Variants in CYP4F12 observed in about 807,000 individuals in gnomAD.
CYP4F12 encodes cytochrome P450 4F12.
In CYP4F12, 60 loss-of-function variants were observed where a neutral mutation model predicts 56.5. The observed-to-expected ratio is 1.06, with a 90% CI of 0.86 to 1.32. CYP4F12 has a LOEUF of 1.32. Among genes scored for constraint, CYP4F12 ranks in the 40% most tolerant of loss-of-function variants. The pLI, the probability that CYP4F12 is intolerant of heterozygous loss-of-function variation, is 0.00. For missense variants in CYP4F12, 711 were observed against 683.5 expected, an observed-to-expected ratio of 1.04 and a Z score of -0.45; for synonymous variants, 263 against 264.9, an observed-to-expected ratio of 0.99 and a Z score of 0.07.
chr19:15,673,207 T>C, intron 1 of CYP4F12, 72 bp downstream of exon 1: 2 of 506,312 alleles, frequency 4.0e-6, no homozygotes, highest in Admixed American at 2.3e-5. Flanking sequence ...AAGGCTGGGG[T>C]GGCTCCAAGA....
chr19:15,681,873 A>C (rs150675492), intron 5 of CYP4F12: 2 of 153,576 alleles, frequency 1.3e-5, no homozygotes, highest in Non-Finnish European at 2.9e-5. Flanking sequence ...CATATGCCTG[A>C]GAAAATGTCA....
At chr19:15,690,184 G>C (rs1473263270) in intron 9 of CYP4F12, among the ~76,000 whole-genome samples, 3 of 151,976 alleles carry the variant, frequency 2.0e-5, no homozygotes, top group African/African-American at 7.3e-5. Context: ...TATGAGTTTT[G>C]GAAAATTAGT....
At chr19:15,687,429 A>G in intron 9 of CYP4F12, among the ~76,000 whole-genome samples, 1 of 152,208 alleles carries the variant, frequency 6.6e-6, no homozygotes, top group South Asian at 2.1e-4. Context: ...TATAAAATAG[A>G]CACAGTACTT....
intron 9 of CYP4F12, among the ~76,000 whole-genome samples, chr19:15,685,650 G>A (rs372654945): frequency 6.6e-5 from 10 of 152,300 alleles, no homozygotes; most frequent in African/African-American, 2.4e-4. Context: ...GCAGGGGAAA[G>A]TTTTCAGACT....
chr19:15,694,734 A>G (rs1303536506), intron 9 of CYP4F12, among the ~76,000 whole-genome samples: 6 of 152,024 alleles, frequency 3.9e-5, no homozygotes, highest in Non-Finnish European at 5.9e-5. Flanking sequence ...TTATGCAGCC[A>G]AAAAACACAT....
chr19:15,682,660 T>A, intron 6 of CYP4F12, 150 bp downstream of exon 6: 1 of 1,235,912 alleles, frequency 8.1e-7, no homozygotes, highest in Non-Finnish European at 1.1e-6. Context: ...GAGAAAGTGC[T>A]GTCTTTCCAG....
rs150074697 is a variant in CYP4F12 at position 15,694,344 on chromosome 19, T to C, written c.1116-1592T>C. On this transcript the variant is annotated intron_variant, in intron 9 of 12. Coordinates refer to ENST00000550308, the MANE Select transcript of CYP4F12 (RefSeq NM_023944.4). ...GAGCATGGAATGTTCTTCCCTTTCT[T>C]TGCACCCTCTTTTATTTCATTGAGC... 1.2e-4 allele frequency among the ~76,000 whole-genome samples: 19 copies of C among 152,302 alleles called. 1 individual carries two copies. The East Asian group carries it at 3.7e-3, about 29-fold the overall frequency.
chr19:15,697,040 C>G lies in CYP4F12; in HGVS notation c.1530C>G (p.Gly510=), dbSNP rs374696674. 6.2e-7 allele frequency: 1 copy of G among 1,614,070 alleles called. No homozygotes were observed. The change falls in exon 13 of 13, where the codon GGC becomes GGG. Residue 510 remains glycine, a synonymous_variant. Coordinates refer to ENST00000550308, the MANE Select transcript of CYP4F12 (RefSeq NM_023944.4). ...TGGAATTGATCATGCGCGCCGAGGGCGGGCTTTGGCTGCGGGTGGAGCCCC... is the reference window on the plus strand; with the variant it reads ...TGGAATTGATCATGCGCGCCGAGGGGGGGCTTTGGCTGCGGGTGGAGCCCC... ...RKLELIMRAE[G]GLWLRVEPLN... is the part of the protein sequence containing the mutation.
chr19:15,691,854 G>A (rs1456387985), intron 9 of CYP4F12, among the ~76,000 whole-genome samples: 1 of 152,138 alleles, frequency 6.6e-6, no homozygotes, highest in Non-Finnish European at 1.5e-5. Context: ...TGGCAGATGG[G>A]AAGTTTCCAC....
chr19:15,680,250 T>C lies in CYP4F12; in HGVS notation c.350T>C (p.Ile117Thr). The C allele has an allele frequency of 1.2e-6, 2 of 1,602,922 alleles. No individual in the cohort carries two copies. The highest frequency in any genetic ancestry group is 1.7e-6 in the Non-Finnish European group (2 of 1,174,284). Residue 117 changes from isoleucine (I) to threonine (T), a missense_variant, in exon 4 of 13, where the codon ATT becomes ACT. Physicochemically the swap from Ile to Thr is moderately conservative, Grantham distance 89. Coordinates refer to ENST00000550308, the MANE Select transcript of CYP4F12 (RefSeq NM_023944.4). Reference protein sequence around the residue: ...IRSITNASAAIAPKDNLFIRF... With the variant: ...IRSITNASAATAPKDNLFIRF... ...TGGTCCTCGTTCATGTCAGCTGCCA[T>C]TGCACCCAAGGATAATCTCTTCATC...
Position 15,678,248 on chromosome 19 carries a change from G to C in CYP4F12, c.199-13G>C. 6.2e-7 allele frequency: 1 copy of C among 1,614,124 alleles called. No individual in the cohort carries two copies. Among genetic ancestry groups the C allele is most frequent in the African/African-American group, 1.3e-5 (1 of 75,062 alleles). The stretch of plus-strand genomic sequence containing the variant: ...ACCATCACAGGAAGTGACAGCCCTT[G>C]ACTTGCTTTCAGATCACTCCTACAG... On this transcript the variant is annotated splice_polypyrimidine_tract_variant and intron_variant, in intron 2 of 12. Transcript: ENST00000550308.
chr19:15,695,073 T>C lies in CYP4F12; in HGVS notation c.1116-863T>C, dbSNP rs535746843. Among the ~76,000 whole-genome samples the C allele has an allele frequency of 3.3e-5, 5 of 152,126 alleles. No homozygotes were observed. The East Asian group carries it at 9.6e-4, about 29-fold the overall frequency. On this transcript the variant is annotated intron_variant, in intron 9 of 12. Coordinates refer to ENST00000550308, the MANE Select transcript of CYP4F12 (RefSeq NM_023944.4). The stretch of plus-strand genomic sequence containing the variant: ...CACATGTATGTTTATTGCGGCACTA[T>C]TCACAACAGCAAAGACTTGGAACCA...
chr19:15,673,623 G>T lies in CYP4F12; in HGVS notation c.94G>T (p.Ala32Ser), dbSNP rs199841790. ...LLLVVGSWLLARILAWTYAFY... is the reference protein window; with the variant it reads ...LLLVVGSWLLSRILAWTYAFY... ...GCTGGTTGTGGGCTCCTGGCTACTC[G>T]CCCGCATCCTGGCTTGGACCTATGC... The change falls in exon 2 of 13, where the codon GCC becomes TCC. Residue 32 changes from alanine to serine, a missense_variant. Coordinates refer to ENST00000550308, the MANE Select transcript of CYP4F12 (RefSeq NM_023944.4). The T allele has an allele frequency of 7.4e-6, 12 of 1,614,134 alleles. No individual in the cohort carries two copies. Among genetic ancestry groups the T allele is most frequent in the Admixed American group, 5.0e-5 (3 of 60,018 alleles).
Position 15,697,140 on chromosome 19 carries a change from G to A in CYP4F12, c.*55G>A. On this transcript the variant is annotated 3_prime_UTR_variant, in exon 13 of 13. Coordinates refer to ENST00000550308, the MANE Select transcript of CYP4F12 (RefSeq NM_023944.4). ...AGATTGTCATGAATAAAACGGTGCT[G>A]TCACCTCTGCCTGGGCCTCACTGAC... 6.4e-7 allele frequency: 1 copy of A among 1,568,194 alleles called. No individual in the cohort carries two copies. The highest frequency in any genetic ancestry group is 8.7e-7 in the Non-Finnish European group (1 of 1,151,008).
At chr19:15,689,611 C>A (rs778391978) in intron 9 of CYP4F12, among the ~76,000 whole-genome samples, 1 of 152,188 alleles carries the variant, frequency 6.6e-6, no homozygotes, top group Non-Finnish European at 1.5e-5. Flanking sequence ...TAGGTATCCA[C>A]CCAAAGGAAA....
Position 15,695,952 on chromosome 19 carries a change from C to G in CYP4F12, c.1132C>G (p.Leu378Val). The G allele has an allele frequency of 1.2e-6, 2 of 1,613,306 alleles. No homozygotes were observed. The highest frequency in any genetic ancestry group is 8.5e-7 in the Non-Finnish European group (1 of 1,179,746). ...KEIEWDDLAQ[L>V]PFLTMCVKES... ...TTTCCTTAGGGACGACCTGGCCCAGCTGCCCTTCCTGACCATGTGCGTGAA... is the reference window on the plus strand; with the variant it reads ...TTTCCTTAGGGACGACCTGGCCCAGGTGCCCTTCCTGACCATGTGCGTGAA... The change falls in exon 10 of 13, where the codon CTG becomes GTG. Residue 378 changes from leucine (L) to valine (V), a missense_variant. Transcript: ENST00000550308.
chr19:15,696,040 T>C lies in CYP4F12; in HGVS notation c.1220T>C (p.Val407Ala). 6.2e-7 allele frequency: 1 copy of C among 1,613,952 alleles called. No homozygotes were observed. Among genetic ancestry groups the C allele is most frequent in the Non-Finnish European group, 8.5e-7 (1 of 1,179,910 alleles). Residue 407 changes from valine to alanine, a missense_variant, in exon 10 of 13, where the codon GTT becomes GCT. Coordinates refer to ENST00000550308, the MANE Select transcript of CYP4F12 (RefSeq NM_023944.4). ...TCCCGATGCTGCACCCAGGACATTGTTCTCCCAGATGGCCGAGTCATCCCC... is the reference window on the plus strand; with the variant it reads ...TCCCGATGCTGCACCCAGGACATTGCTCTCCCAGATGGCCGAGTCATCCCC... ...FISRCCTQDI[V>A]LPDGRVIPKG...
Position 15,679,708 on chromosome 19 carries a change from A to T in CYP4F12, c.344-536A>T, listed in dbSNP as rs151025466. On this transcript the variant is annotated intron_variant, in intron 3 of 12. Transcript: ENST00000550308. ...GTCTGGGAGCTAGGGTCTCTTTGGAATTGTCAGAGTTATTATTTTAGTCTC... is the reference window on the plus strand; with the variant it reads ...GTCTGGGAGCTAGGGTCTCTTTGGATTTGTCAGAGTTATTATTTTAGTCTC... Among the ~76,000 whole-genome samples, 24 of 152,238 alleles carry T rather than the reference A, an allele frequency of 1.6e-4. No individual in the cohort carries two copies. The East Asian group carries it at 1.9e-3, about 12-fold the overall frequency.
At chr19:15,683,882 G>A (rs935434466) in intron 7 of CYP4F12, 119 bp downstream of exon 7, 7 of 1,345,838 alleles carry the variant, frequency 5.2e-6, no homozygotes, top group Non-Finnish European at 5.0e-6. Flanking sequence ...GCTTGAGAAA[G>A]GGAAGGTCAC....
Sources: gnomAD v4.1 joint callset for allele counts (sites outside exome capture counted in the v4.1 genomes callset) on GRCh38, gnomAD v4.1.1 for gene constraint, MANE v1.5 for transcripts, NCBI Gene and HGNC (gene_info 2026-07-23, HGNC 2026-07-21) for gene names.